The following NYAP2 variants were observed in gnomAD, a reference collection of about 807,000 sequenced individuals.
NYAP2 encodes the protein neuronal tyrosine-phosphorylated phosphoinositide-3-kinase adapter 2.
NYAP2 carries 23 observed loss-of-function variants against 50.4 expected under a neutral mutation model. The ratio of observed to expected loss-of-function variants is 0.46; its 90% CI spans 0.33 to 0.65. NYAP2 has a LOEUF of 0.65. Ranked by LOEUF, NYAP2 falls within the 30% of genes least tolerant of loss-of-function variation. The pLI is 0.02. For missense variants in NYAP2, 885 were observed against 861.0 expected (o/e 1.03, Z -0.35); for synonymous variants, 394 against 365.2 (o/e 1.08, Z -0.90).
chr2:225,594,467 G>A (rs1414166291), intron 5 of NYAP2, among the ~76,000 whole-genome samples: 1 of 152,050 alleles, frequency 6.6e-6, no homozygotes, highest in African/African-American at 2.4e-5. Flanking sequence ...AGGTCACAGT[G>A]AGCCGAGATC....
intron 3 of NYAP2, among the ~76,000 whole-genome samples, chr2:225,449,070 ACAGT>A (rs1689607339): frequency 1.3e-5 from 2 of 152,224 alleles, no homozygotes; most frequent in South Asian, 2.1e-4. Context: ...AATTAAGATA[ACAGT>A]CAGTTAAACA....
chr2:225,449,534 T>A (rs1457437836), intron 3 of NYAP2, among the ~76,000 whole-genome samples: 1 of 152,104 alleles, frequency 6.6e-6, no homozygotes, highest in Non-Finnish European at 1.5e-5. Context: ...CAAACTACAT[T>A]TTTCATTTTA....
intron 3 of NYAP2, among the ~76,000 whole-genome samples, chr2:225,416,661 G>A (rs1041165692): frequency 1.3e-5 from 2 of 152,164 alleles, no homozygotes; most frequent in African/African-American, 4.8e-5. Context: ...GTTAGGGTAA[G>A]CCTCCTTCAG....
At chr2:225,429,190 G>C (rs1327421526) in intron 3 of NYAP2, among the ~76,000 whole-genome samples, 1 of 152,018 alleles carries the variant, frequency 6.6e-6, no homozygotes, top group Admixed American at 6.6e-5. Flanking sequence ...GGTGTCGAGG[G>C]GGGATTTAGG....
At chr2:225,534,274 G>A (rs1255878813) in intron 4 of NYAP2, among the ~76,000 whole-genome samples, 5 of 152,180 alleles carry the variant, frequency 3.3e-5, no homozygotes, top group Admixed American at 3.3e-4. Context: ...AAGGATGTGG[G>A]AATACTAACC....
intron 3 of NYAP2, among the ~76,000 whole-genome samples, chr2:225,422,014 G>A (rs1695224150): frequency 6.6e-6 from 1 of 150,972 alleles, no homozygotes; most frequent in African/African-American, 2.4e-5. Context: ...TGACTTTTTA[G>A]GATTTTAATT....
chr2:225,632,726 G>T (rs1693344138), intron 6 of NYAP2, among the ~76,000 whole-genome samples: 1 of 152,218 alleles, frequency 6.6e-6, no homozygotes, highest in Admixed American at 6.5e-5. Flanking sequence ...ATATGGTATT[G>T]ACAAAAACTC....
At chr2:225,529,171 CT>C (rs1322725941) in intron 4 of NYAP2, among the ~76,000 whole-genome samples, 1 of 152,136 alleles carries the variant, frequency 6.6e-6, no homozygotes, top group African/African-American at 2.4e-5. Flanking sequence ...CGACTTCCAC[CT>C]CTTTATCTCT....
At chr2:225,549,242 C>G (rs1691633373) in intron 4 of NYAP2, among the ~76,000 whole-genome samples, 1 of 152,110 alleles carries the variant, frequency 6.6e-6, no homozygotes, top group Admixed American at 6.6e-5. Flanking sequence ...AACCTATTTC[C>G]TAGTTTATAG....
chr2:225,595,571 A>G (rs1692582331), intron 5 of NYAP2, among the ~76,000 whole-genome samples: 2 of 152,214 alleles, frequency 1.3e-5, no homozygotes, highest in African/African-American at 2.4e-5. Context: ...CTTTTTGTCA[A>G]TGTTGAAATG....
At chr2:225,674,416 G>C in the NYAP2 span, among the ~76,000 whole-genome samples, 1 of 152,126 alleles carries the variant, frequency 6.6e-6, no homozygotes, top group African/African-American at 2.4e-5. Flanking sequence ...TGCTGTGGCT[G>C]TAGGAAGGGT....
intron 6 of NYAP2, among the ~76,000 whole-genome samples, chr2:225,645,741 C>A (rs12694675): frequency 0.99 from 150,597 of 152,294 alleles, 74,472 homozygotes; most frequent in East Asian, 1. Context: ...GTATGTGCCC[C>A]TTGTTGGTGG....
chr2:225,440,583 TA>T (rs1689453622), intron 3 of NYAP2, among the ~76,000 whole-genome samples: 1 of 151,740 alleles, frequency 6.6e-6, no homozygotes, highest in African/African-American at 2.4e-5. Flanking sequence ...GAGGGCAGAG[TA>T]AAAAGACTTA....
Position 225,513,259 on chromosome 2 carries a change from G to A in NYAP2, c.222-112G>A, listed in dbSNP as rs79932214. ...TTGTTTTAAAAGGCAGCATTTCACC[G>A]GACTAAAATGAAGATTTGAAATTTT... On this transcript the variant is annotated intron_variant, in intron 3 of 6. Coordinates refer to ENST00000636099, the Ensembl canonical transcript of NYAP2. The A allele has an allele frequency of 7.4e-3, 6,805 of 916,122 alleles. 329 individuals are homozygous for A. The African/African-American group carries it at 0.1, about 14-fold the overall frequency. 56.7% of individuals were successfully genotyped at this position (916,122 alleles called of 1,614,324 possible). A position where few individuals can be genotyped will look rare whatever the true frequency, so the allele number is the denominator to read the frequency against.
intron 5 of NYAP2, among the ~76,000 whole-genome samples, chr2:225,591,574 A>G (rs565691454): frequency 6.6e-6 from 1 of 152,268 alleles, no homozygotes; most frequent in South Asian, 2.1e-4. Context: ...AGAACTTTCT[A>G]AAAATTTACA....
the NYAP2 span, among the ~76,000 whole-genome samples, chr2:225,694,752 A>G: frequency 6.6e-6 from 1 of 151,870 alleles, no homozygotes; most frequent in African/African-American, 2.4e-5. Context: ...ATTTGTTGAG[A>G]TATTTTCAAA....
At chr2:225,564,664 T>C (rs1467808687) in intron 4 of NYAP2, among the ~76,000 whole-genome samples, 3 of 150,794 alleles carry the variant, frequency 2.0e-5, no homozygotes, top group Non-Finnish European at 2.9e-5. Context: ...CTGCAATATC[T>C]GAAGGTGAAC....
At chr2:225,696,437 C>T in the NYAP2 span, among the ~76,000 whole-genome samples, 1 of 151,878 alleles carries the variant, frequency 6.6e-6, no homozygotes, top group African/African-American at 2.4e-5. Flanking sequence ...CTTCATTATC[C>T]TATTTAAACC....
chr2:225,666,586 T>C, the NYAP2 span, among the ~76,000 whole-genome samples: 2 of 152,154 alleles, frequency 1.3e-5, no homozygotes, highest in African/African-American at 4.8e-5. Flanking sequence ...CATTTTTTGA[T>C]TGATAATTGG....
Sources: gnomAD v4.1 joint callset for allele counts (sites outside exome capture counted in the v4.1 genomes callset) on GRCh38, gnomAD v4.1.1 for gene constraint, MANE v1.5 for transcripts, NCBI Gene and HGNC (gene_info 2026-07-23, HGNC 2026-07-21) for gene names.